The following GABBR2 variants were observed in gnomAD, a reference collection of about 807,000 sequenced individuals.
GABBR2 encodes G-protein coupled receptor 51.
In GABBR2, 23 loss-of-function variants were observed where a neutral mutation model predicts 105.6. The ratio of observed to expected loss-of-function variants is 0.22; its 90% CI spans 0.16 to 0.31. The LOEUF is 0.31. Ranked by LOEUF, GABBR2 falls within the 10% of genes least tolerant of loss-of-function variation. The probability of loss-of-function intolerance (pLI) is 1.00; values close to 1 mark genes in which losing one functional copy is unlikely to be tolerated. For missense variants in GABBR2, 734 were observed against 1,245.5 expected, an observed-to-expected ratio of 0.59 and a Z score of 6.18; for synonymous variants, 478 against 499.7, an observed-to-expected ratio of 0.96 and a Z score of 0.58.
intron 1 of GABBR2, among the ~76,000 whole-genome samples, chr9:98,616,711 G>T (rs1001994254): frequency 6.7e-6 from 1 of 149,350 alleles, no homozygotes; most frequent in African/African-American, 2.5e-5. Context: ...CCAAGAATGC[G>T]CCACTGCACT....
intron 1 of GABBR2, among the ~76,000 whole-genome samples, chr9:98,681,773 G>A (rs561515034): frequency 8.5e-5 from 12 of 141,992 alleles, no homozygotes; most frequent in East Asian, 8.3e-4. Context: ...ATAAAAAAAA[G>A]AGTTAAATAT....
chr9:98,648,324 G>A (rs1359557864), intron 1 of GABBR2, among the ~76,000 whole-genome samples: 2 of 151,858 alleles, frequency 1.3e-5, no homozygotes, highest in Non-Finnish European at 2.9e-5. Flanking sequence ...GTAGAGATGG[G>A]GTTTCACCAT....
intron 5 of GABBR2, among the ~76,000 whole-genome samples, chr9:98,479,038 A>T (rs1337831899): frequency 6.6e-6 from 1 of 152,164 alleles, no homozygotes; most frequent in Non-Finnish European, 1.5e-5. Flanking sequence ...GACCCTACGT[A>T]GTAAGCAGCA....
chr9:98,440,592 G>A (rs893790322), intron 7 of GABBR2, among the ~76,000 whole-genome samples: 1 of 152,154 alleles, frequency 6.6e-6, no homozygotes, highest in African/African-American at 2.4e-5. Flanking sequence ...GTAATTCTAG[G>A]AAGCCTGAAT....
intron 2 of GABBR2, among the ~76,000 whole-genome samples, chr9:98,558,849 C>G (rs1356081216): frequency 6.6e-6 from 1 of 152,224 alleles, no homozygotes; most frequent in African/African-American, 2.4e-5. Context: ...GAACCACATG[C>G]TGCTGATAGG....
rs559072880 is a variant in GABBR2, at chr9:98,290,997, G to A, written c.2661-248C>T. 6.6e-5 allele frequency among the ~76,000 whole-genome samples: 10 copies of A among 152,260 alleles called. No individual in the cohort carries two copies. In the East Asian group the frequency reaches 1.2e-3, roughly 18 times the overall value. ...ATAAACAAGGGAGATGAATTTTCTC[G>A]AGCTTTGGGCCAGGATTTGGTGGTT... On this transcript the variant is annotated intron_variant, in intron 18 of 18. Coordinates refer to ENST00000259455, the MANE Select transcript of GABBR2 (RefSeq NM_005458.8).
At chr9:98,501,352 A>G (rs990716960) in intron 3 of GABBR2, among the ~76,000 whole-genome samples, 2 of 152,094 alleles carry the variant, frequency 1.3e-5, no homozygotes, top group Non-Finnish European at 2.9e-5. Context: ...TTTAGTAGAG[A>G]CGGGGTTTCG....
chr9:98,699,165 C>T (rs1830794382), intron 1 of GABBR2, among the ~76,000 whole-genome samples: 1 of 152,100 alleles, frequency 6.6e-6, no homozygotes, highest in Admixed American at 6.6e-5. Flanking sequence ...GTCCTCCGTC[C>T]ACTGGTTAGC....
intron 3 of GABBR2, among the ~76,000 whole-genome samples, chr9:98,504,032 G>T (rs551741872): frequency 6.6e-6 from 1 of 152,050 alleles, no homozygotes; most frequent in African/African-American, 2.4e-5. Context: ...GAAAACCCCC[G>T]AGCCCCCTGT....
intron 2 of GABBR2, among the ~76,000 whole-genome samples, chr9:98,575,522 A>G (rs1828895177): frequency 1.3e-5 from 2 of 152,160 alleles, no homozygotes; most frequent in South Asian, 4.1e-4. Flanking sequence ...AAACCAATGA[A>G]AGCAGTCCTA....
intron 8 of GABBR2, among the ~76,000 whole-genome samples, chr9:98,394,718 C>T (rs974033234): frequency 6.6e-6 from 1 of 152,172 alleles, no homozygotes; most frequent in African/African-American, 2.4e-5. Flanking sequence ...CTTTACAGAA[C>T]AGCACTTCAA....
chr9:98,310,941 AACTGAGATAGCATGTGGCAGGC>A (rs769878962), intron 14 of GABBR2, among the ~76,000 whole-genome samples, 132 bp downstream of exon 14: 22 of 152,142 alleles, frequency 1.4e-4, no homozygotes, highest in Non-Finnish European at 2.9e-4. Context: ...TTGCTGCAGG[AACTGAGATAGCATGTGGCAGGC>A]ACTGAGTCCA....
chr9:98,461,565 A>T (rs1228424029), intron 6 of GABBR2, among the ~76,000 whole-genome samples: 4 of 152,220 alleles, frequency 2.6e-5, no homozygotes, highest in African/African-American at 9.6e-5. Context: ...CATAAAATTA[A>T]TTTCAAGTAA....
At chr9:98,472,958 G>T (rs1046028329) in intron 6 of GABBR2, among the ~76,000 whole-genome samples, 188 bp downstream of exon 6, 2 of 152,132 alleles carry the variant, frequency 1.3e-5, no homozygotes, top group Admixed American at 1.3e-4. Context: ...GGGTCTCACA[G>T]TTGCCTAGAG....
intron 1 of GABBR2, among the ~76,000 whole-genome samples, chr9:98,624,291 A>G (rs1829705251): frequency 6.6e-6 from 1 of 152,160 alleles, no homozygotes; most frequent in Admixed American, 6.5e-5. Context: ...TACAAGTCTC[A>G]GCACAAGGAT....
intron 18 of GABBR2, among the ~76,000 whole-genome samples, chr9:98,291,444 A>G (rs996770545): frequency 6.6e-6 from 1 of 152,194 alleles, no homozygotes; most frequent in Non-Finnish European, 1.5e-5. Flanking sequence ...TCATCCCTGA[A>G]AGACTTCTCG....
intron 15 of GABBR2, among the ~76,000 whole-genome samples, chr9:98,305,822 G>A (rs1307301991): frequency 1.3e-5 from 2 of 151,406 alleles, no homozygotes; most frequent in Non-Finnish European, 2.9e-5. Flanking sequence ...AAAAAAAAAG[G>A]CATCATCTCC....
intron 7 of GABBR2, among the ~76,000 whole-genome samples, chr9:98,446,956 A>T (rs1266613125): frequency 3.9e-5 from 6 of 152,152 alleles, no homozygotes; most frequent in Non-Finnish European, 8.8e-5. Flanking sequence ...ACCAGCCCCA[A>T]GTGGTGTCAA....
chr9:98,622,787 T>C (rs748874667), intron 1 of GABBR2, among the ~76,000 whole-genome samples: 31 of 152,354 alleles, frequency 2.0e-4, no homozygotes, highest in Admixed American at 7.8e-4. Context: ...TAATTTCCTG[T>C]GGCAGCTGAG....
Sources: allele counts gnomAD v4.1 joint callset (sites outside exome capture counted in the v4.1 genomes callset), GRCh38; gene constraint gnomAD v4.1.1; transcripts MANE v1.5; gene names NCBI Gene and HGNC (gene_info 2026-07-23, HGNC 2026-07-21).